The following TRPS1 variants were observed in gnomAD, a reference collection of about 807,000 sequenced individuals.
TRPS1 encodes transcriptional repressor GATA binding 1, also known as zinc finger transcription factor Trps1.
A neutral mutation model predicts 101.2 loss-of-function variants in TRPS1; 6 were observed. That is an observed-to-expected ratio of 0.06 (90% confidence interval 0.03 to 0.12). The LOEUF (loss-of-function observed/expected upper bound fraction) is 0.12. TRPS1 is among the 10% of genes least tolerant of loss of function. The probability of loss-of-function intolerance (pLI) is 1.00; values close to 1 mark genes in which losing one functional copy is unlikely to be tolerated. For synonymous variants in TRPS1, 578 were observed against 589.8 expected, an observed-to-expected ratio of 0.98 and a Z score of 0.29; for missense variants, 1,363 against 1,567.0, an observed-to-expected ratio of 0.87 and a Z score of 2.20.
intron 1 of TRPS1, among the ~76,000 whole-genome samples, chr8:115,631,629 AGATGCATGGATG>A (rs1818642941): frequency 8.2e-6 from 1 of 122,434 alleles, no homozygotes; most frequent in Non-Finnish European, 1.7e-5. Flanking sequence ...CGTTCTTATT[AGATGCATGGATG>A]GATGGATGGA....
chr8:115,608,600 TACA>T (rs1445585806), intron 3 of TRPS1, among the ~76,000 whole-genome samples: 1 of 151,788 alleles, frequency 6.6e-6, no homozygotes, highest in East Asian at 1.9e-4. Flanking sequence ...CCTCTATGGA[TACA>T]ATACTGTACA....
chr8:115,477,457 C>T (rs1436196741), intron 5 of TRPS1, among the ~76,000 whole-genome samples: 3 of 152,204 alleles, frequency 2.0e-5, no homozygotes, highest in Non-Finnish European at 4.4e-5. Context: ...TCTACCACAG[C>T]ATCTTGTAGG....
chr8:115,430,798 T>C (rs1308576012), intron 5 of TRPS1, among the ~76,000 whole-genome samples: 1 of 152,100 alleles, frequency 6.6e-6, no homozygotes, highest in African/African-American at 2.4e-5. Flanking sequence ...ACATCACTAG[T>C]TGTCTTTATT....
chr8:115,636,263 G>A (rs1400069496), intron 1 of TRPS1, among the ~76,000 whole-genome samples: 1 of 152,056 alleles, frequency 6.6e-6, no homozygotes, highest in East Asian at 1.9e-4. Context: ...ATTTCCAATA[G>A]GGTTCCTGTT....
In TRPS1 at chr8:115,583,764, T is replaced by C. The variant is rs577369966; in HGVS notation, c.2700+3237A>G. On this transcript the variant is annotated intron_variant, in intron 5 of 6. Coordinates refer to ENST00000395715, the MANE Select transcript of TRPS1 (RefSeq NM_014112.5). ...GCACAGAAGTCAACACAGAGGCATA[T>C]GCAACTGAAAATTTTTATATCAAGA... 3.9e-5 allele frequency among the ~76,000 whole-genome samples: 6 copies of C among 152,122 alleles called. No individual in the cohort carries two copies. In the South Asian group the frequency reaches 1.0e-3, roughly 26 times the overall value.
intron 5 of TRPS1, among the ~76,000 whole-genome samples, chr8:115,540,381 G>A (rs1163919546): frequency 1.3e-5 from 2 of 152,184 alleles, no homozygotes; most frequent in Admixed American, 1.3e-4. Flanking sequence ...GGTTGGTTCT[G>A]TGTGCCTCCT....
chr8:115,491,987 A>G (rs1475728211), intron 5 of TRPS1, among the ~76,000 whole-genome samples: 1 of 152,202 alleles, frequency 6.6e-6, no homozygotes, highest in Non-Finnish European at 1.5e-5. Context: ...TTCATAAATG[A>G]AATATACCCA....
chr8:115,583,629 C>A (rs897961159), intron 5 of TRPS1, among the ~76,000 whole-genome samples: 1 of 151,774 alleles, frequency 6.6e-6, no homozygotes, highest in Non-Finnish European at 1.5e-5. Context: ...AGAAAATACT[C>A]AAAAATTTTG....
chr8:115,604,029 T>C lies in TRPS1; in HGVS notation c.1940A>G (p.Glu647Gly), dbSNP rs1363550612. The C allele has an allele frequency of 6.2e-7, 1 of 1,614,006 alleles. No individual in the cohort carries two copies. Among genetic ancestry groups the C allele is most frequent in the Admixed American group, 1.7e-5 (1 of 59,966 alleles). Residue 647 changes from glutamate (E) to glycine (G), a missense_variant, in exon 4 of 7, where the codon GAA (glutamate) becomes GGA (glycine). By Grantham distance (98) the Glu-to-Gly change is moderately conservative (BLOSUM62 -2). Coordinates refer to ENST00000395715, the MANE Select transcript of TRPS1 (RefSeq NM_014112.5). The surrounding 1 kb of genome is among the most constrained non-coding windows in gnomAD (Gnocchi z 4.1). ...CGATGCTTGGGACTCATGCACACTT[T>C]CATAGTGAAAGAGGAGTACATCTAC... ...PDVDVLLFHYESVHESQASDV... is the reference protein window; with the variant it reads ...PDVDVLLFHYGSVHESQASDV...
At chr8:115,501,417 C>A (rs890257049) in intron 5 of TRPS1, among the ~76,000 whole-genome samples, 1 of 152,188 alleles carries the variant, frequency 6.6e-6, no homozygotes, top group Non-Finnish European at 1.5e-5. Flanking sequence ...TAGTTATCTA[C>A]AAACGAGTGT....
chr8:115,580,614 A>G (rs894229395), intron 5 of TRPS1, among the ~76,000 whole-genome samples: 3 of 152,156 alleles, frequency 2.0e-5, no homozygotes, highest in Admixed American at 2.0e-4. Flanking sequence ...GGAAATAATG[A>G]ACAGATACTG....
At chr8:115,629,845 G>C (rs1432415382) in intron 1 of TRPS1, among the ~76,000 whole-genome samples, 2 of 151,720 alleles carry the variant, frequency 1.3e-5, no homozygotes, top group South Asian at 2.1e-4. Context: ...TGTGTCCCCA[G>C]ATCCACCTAT....
chr8:115,660,067 A>G (rs1811758583), intron 1 of TRPS1, among the ~76,000 whole-genome samples: 1 of 151,968 alleles, frequency 6.6e-6, no homozygotes, highest in Non-Finnish European at 1.5e-5. Flanking sequence ...CTAACACTAG[A>G]TTAGTAATGC....
In TRPS1 at chr8:115,642,850, AT is replaced by A. The variant is rs200152582; in HGVS notation, c.-121-19093del. ...AAGCATGCTTACTTCGTGAAAAAAA[AT>A]ATATATATATATAAATATATATATT... On this transcript the variant is annotated intron_variant, in intron 1 of 6. Transcript: ENST00000395715. Among the ~76,000 whole-genome samples, 427 of 124,402 alleles carry A rather than the reference AT, an allele frequency of 3.4e-3. 2 individuals are homozygous for A. The highest frequency in any genetic ancestry group is 0.012 in the South Asian group (48 of 3,978). The allele number at this position is 124,402 out of a possible 152,430, so 81.6% of individuals were successfully genotyped here. A position where few individuals can be genotyped will look rare whatever the true frequency, so the allele number is the denominator to read the frequency against.
rs1412473960 is a variant in TRPS1, at chr8:115,418,778, AC to A, written c.2701-327del. On this transcript the variant is annotated intron_variant, in intron 5 of 6. Transcript: ENST00000395715. This position sits in a 1 kb window ranked among gnomAD's most constrained non-coding sequence, Gnocchi z 4.3. The stretch of plus-strand genomic sequence containing the variant: ...ATACCTTTTAAAAGTGTCAAAACAT[AC>A]GTCAAAAAGACAGAACATGGCAATA... Among the ~76,000 whole-genome samples, 2 of 152,202 alleles carry A rather than the reference AC, an allele frequency of 1.3e-5. No individual in the cohort carries two copies. Among genetic ancestry groups the A allele is most frequent in the Non-Finnish European group, 2.9e-5 (2 of 68,040 alleles).
At chr8:115,451,525 A>C (rs1025503068) in intron 5 of TRPS1, among the ~76,000 whole-genome samples, 4 of 152,140 alleles carry the variant, frequency 2.6e-5, no homozygotes, top group Non-Finnish European at 4.4e-5. Context: ...GCCAATAAAC[A>C]CTAGATCATT....
chr8:115,536,406 C>T (rs1816321193), intron 5 of TRPS1, among the ~76,000 whole-genome samples: 1 of 151,436 alleles, frequency 6.6e-6, no homozygotes, highest in African/African-American at 2.4e-5. Flanking sequence ...GCCTGTAGTC[C>T]CAGCTACTCA....
At chr8:115,506,607 A>T (rs3808426) in intron 5 of TRPS1, among the ~76,000 whole-genome samples, 91,574 of 151,908 alleles carry the variant, frequency 0.6, 28,010 homozygotes, top group East Asian at 0.84. Context: ...TGGTTTAGAT[A>T]CTTACCTAAA....
chr8:115,468,238 T>C (rs542139516), intron 5 of TRPS1, among the ~76,000 whole-genome samples: 4 of 152,342 alleles, frequency 2.6e-5, no homozygotes, highest in African/African-American at 7.2e-5. Context: ...TGACAAATCA[T>C]CTGTTTTATT....
Sources: allele counts gnomAD v4.1 joint callset (sites outside exome capture counted in the v4.1 genomes callset), GRCh38; gene constraint gnomAD v4.1.1; non-coding constraint Gnocchi (gnomAD v3.1); transcripts MANE v1.5; gene names NCBI Gene and HGNC (gene_info 2026-07-23, HGNC 2026-07-21).